ARFGEF3: variants seen among roughly 807,000 people sequenced by gnomAD.
ARFGEF3 encodes the protein brefeldin A-inhibited guanine nucleotide-exchange protein 3.
ARFGEF3 carries 96 observed loss-of-function variants against 221.7 expected under a neutral mutation model. The ratio of observed to expected loss-of-function variants is 0.43; its 90% confidence interval spans 0.37 to 0.51. The LOEUF is 0.51. Ranked by LOEUF, ARFGEF3 falls within the 20% of genes least tolerant of loss-of-function variation. ARFGEF3 has a pLI of 0.00. For missense variants in ARFGEF3, 2,410 were observed against 2,789.9 expected, an observed-to-expected ratio of 0.86 and a Z score of 3.07; for synonymous variants, 1,145 against 1,126.8, an observed-to-expected ratio of 1.02 and a Z score of -0.32.
chr6:138,166,537 A>G (rs1582990804), intron 1 of ARFGEF3, among the ~76,000 whole-genome samples: 1 of 152,110 alleles, frequency 6.6e-6, no homozygotes, highest in African/African-American at 2.4e-5. Flanking sequence ...CTCTTTATTT[A>G]GTGTTATCTG....
At chr6:138,167,829 AAC>A (rs978241095) in intron 1 of ARFGEF3, among the ~76,000 whole-genome samples, 1 of 152,214 alleles carries the variant, frequency 6.6e-6, no homozygotes. Context: ...GCCATGTTAA[AAC>A]ACTGAATAGC....
At chr6:138,229,282 C>G (rs1003140460) in intron 4 of ARFGEF3, among the ~76,000 whole-genome samples, 1 of 152,180 alleles carries the variant, frequency 6.6e-6, no homozygotes, top group Admixed American at 6.5e-5. Context: ...CACATGGAGT[C>G]GGATTACTTG....
chr6:138,266,563 A>T (rs1778895996), intron 12 of ARFGEF3, among the ~76,000 whole-genome samples: 1 of 151,946 alleles, frequency 6.6e-6, no homozygotes, highest in Non-Finnish European at 1.5e-5. Context: ...GATGTGCCAT[A>T]GTTCGGCTGG....
intron 4 of ARFGEF3, among the ~76,000 whole-genome samples, chr6:138,213,138 A>AT (rs1308666634): frequency 6.6e-6 from 1 of 152,130 alleles, no homozygotes; most frequent in East Asian, 1.9e-4. Context: ...AATACAAAAA[A>AT]TTAGCCGGGC....
chr6:138,232,874 T>G (rs1183981663), intron 5 of ARFGEF3, among the ~76,000 whole-genome samples: 1 of 152,150 alleles, frequency 6.6e-6, no homozygotes, highest in Non-Finnish European at 1.5e-5. Flanking sequence ...CAGCTAGATA[T>G]TCAAATCCAA....
intron 22 of ARFGEF3, among the ~76,000 whole-genome samples, chr6:138,303,659 T>C (rs1271949789): frequency 6.6e-6 from 1 of 151,844 alleles, no homozygotes; most frequent in Non-Finnish European, 1.5e-5. Context: ...AAAAATTAGC[T>C]GCGTGTGGTG....
chr6:138,207,608 G>A (rs1398339605), intron 3 of ARFGEF3, among the ~76,000 whole-genome samples: 1 of 152,164 alleles, frequency 6.6e-6, no homozygotes, highest in Non-Finnish European at 1.5e-5. Context: ...AAAGAAATTT[G>A]GTTTAACAAG....
intron 2 of ARFGEF3, among the ~76,000 whole-genome samples, chr6:138,185,494 T>C (rs1056753739): frequency 6.6e-6 from 1 of 152,224 alleles, no homozygotes. Flanking sequence ...GCAGCTGCCA[T>C]AACCAATCTG....
intron 29 of ARFGEF3, 91 bp from the exon 30 acceptor site, chr6:138,323,580 C>T: frequency 8.5e-7 from 1 of 1,177,718 alleles, no homozygotes. Flanking sequence ...CAGTGCACTC[C>T]AGGCTGGGCA....
intron 31 of ARFGEF3, among the ~76,000 whole-genome samples, chr6:138,324,485 A>G (rs891490119): frequency 6.6e-6 from 1 of 152,242 alleles, no homozygotes; most frequent in African/African-American, 2.4e-5. Flanking sequence ...CTGCTAGACT[A>G]TGAGTGCCTA....
intron 26 of ARFGEF3, among the ~76,000 whole-genome samples, chr6:138,315,215 T>G (rs557748869): frequency 1.3e-5 from 2 of 152,228 alleles, no homozygotes; most frequent in Non-Finnish European, 2.9e-5. Context: ...CTGTTGAAGC[T>G]GAAGGCTCAT....
chr6:138,176,422 C>T (rs1055232671), intron 2 of ARFGEF3, among the ~76,000 whole-genome samples: 1 of 152,152 alleles, frequency 6.6e-6, no homozygotes, highest in African/African-American at 2.4e-5. Flanking sequence ...ACCTCGTGAT[C>T]CACCCGCCTC....
At chr6:138,207,979 C>T (rs1451871581) in intron 3 of ARFGEF3, among the ~76,000 whole-genome samples, 1 of 152,154 alleles carries the variant, frequency 6.6e-6, no homozygotes, top group Non-Finnish European at 1.5e-5. Flanking sequence ...TTATACACAG[C>T]AGCATTTGAA....
chr6:138,200,682 G>A (rs920306564), intron 2 of ARFGEF3, among the ~76,000 whole-genome samples: 2 of 152,160 alleles, frequency 1.3e-5, no homozygotes, highest in Admixed American at 1.3e-4. Flanking sequence ...ACTCAAGATA[G>A]ATTAAGGACT....
At chr6:138,320,650 T>C (rs1047617449) in intron 28 of ARFGEF3, among the ~76,000 whole-genome samples, 1 of 152,272 alleles carries the variant, frequency 6.6e-6, no homozygotes, top group Non-Finnish European at 1.5e-5. Context: ...ACAAAGCTAA[T>C]AAAAGAAACT....
intron 2 of ARFGEF3, among the ~76,000 whole-genome samples, chr6:138,199,275 C>A (rs1263403107): frequency 6.6e-6 from 1 of 152,166 alleles, no homozygotes; most frequent in East Asian, 1.9e-4. Context: ...ACATCTAAGC[C>A]ATTTCAACCA....
Position 138,336,599 on chromosome 6 carries a change from T to G in ARFGEF3, c.*113T>G, listed in dbSNP as rs138065737. On this transcript the variant is annotated 3_prime_UTR_variant, in exon 34 of 34. Transcript: ENST00000251691. ...CCCCACTTAAACTACTACTACTGTC[T>G]CAGAGAACAGTGTTTCCTAATGTAA... is the stretch of plus-strand genomic sequence containing the variant. 10 of 817,030 alleles carry G rather than the reference T, an allele frequency of 1.2e-5. No homozygotes were observed. In the African/African-American group the frequency reaches 1.4e-4, roughly 11 times the overall value. 50.6% of individuals were successfully genotyped at this position (817,030 alleles called of 1,614,324 possible). A position where few individuals can be genotyped will look rare whatever the true frequency, so the allele number is the denominator to read the frequency against.
At chr6:138,217,727 GT>G (rs10711244) in intron 4 of ARFGEF3, 17,077 of 408,308 alleles carry the variant, frequency 0.042, 1,161 homozygotes, top group African/African-American at 0.2. Flanking sequence ...ACATGTGGTA[GT>G]TTTTAATGGC....
chr6:138,170,003 G>A (rs1296074426), intron 1 of ARFGEF3, among the ~76,000 whole-genome samples: 1 of 152,182 alleles, frequency 6.6e-6, no homozygotes, highest in Non-Finnish European at 1.5e-5. Context: ...AGACAAGTTG[G>A]AAGGATTGAA....
Sources: allele counts gnomAD v4.1 joint callset (sites outside exome capture counted in the v4.1 genomes callset), GRCh38; gene constraint gnomAD v4.1.1; transcripts MANE v1.5; gene names NCBI Gene and HGNC (gene_info 2026-07-23, HGNC 2026-07-21).